SPMIP4: variants seen among roughly 807,000 people sequenced by gnomAD.
The protein encoded by SPMIP4 is sperm microtubule inner protein 4.
chr7:25,168,772 C>A, the SPMIP4 span, among the ~76,000 whole-genome samples: 5 of 149,516 alleles, frequency 3.3e-5, no homozygotes, highest in Non-Finnish European at 5.9e-5. Flanking sequence ...GTTGCCCAGG[C>A]TGGAGTGCAG....
chr7:25,148,407 C>T, the SPMIP4 span, among the ~76,000 whole-genome samples: 3 of 151,936 alleles, frequency 2.0e-5, no homozygotes, highest in African/African-American at 7.3e-5. Flanking sequence ...CTGTGAACAG[C>T]CACTGCACTC....
At chr7:25,136,286 G>T in the SPMIP4 span, 1 of 1,614,058 alleles carries the variant, frequency 6.2e-7, no homozygotes, top group South Asian at 1.1e-5. This position sits in a 1 kb window ranked among gnomAD's most constrained non-coding sequence, Gnocchi z 5.7. Flanking sequence ...AAAACACTAG[G>T]TTTACTAAGG....
At chr7:25,161,776 A>G in the SPMIP4 span, among the ~76,000 whole-genome samples, 114 of 150,014 alleles carry the variant, frequency 7.6e-4, no homozygotes, top group African/African-American at 2.6e-3. Context: ...TTTAATATAG[A>G]AAAAATTCAG....
the SPMIP4 span, among the ~76,000 whole-genome samples, chr7:25,138,327 A>G: frequency 6.6e-6 from 1 of 152,260 alleles, no homozygotes; most frequent in South Asian, 2.1e-4. This position sits in a 1 kb window ranked among gnomAD's most constrained non-coding sequence, Gnocchi z 6.2. Context: ...CATTGTAACA[A>G]TGCAACTCTG....
chr7:25,129,484 C>A, the SPMIP4 span, among the ~76,000 whole-genome samples: 27 of 152,284 alleles, frequency 1.8e-4, no homozygotes, highest in African/African-American at 6.5e-4. Flanking sequence ...ATTCTCTATG[C>A]CATGTGGCCA....
the SPMIP4 span, among the ~76,000 whole-genome samples, chr7:25,143,958 G>A: frequency 2.0e-5 from 3 of 152,202 alleles, no homozygotes; most frequent in Non-Finnish European, 4.4e-5. Flanking sequence ...GAATGGGGAA[G>A]TGGAGCTGGG....
At chr7:25,137,319 T>TA in the SPMIP4 span, among the ~76,000 whole-genome samples, 2 of 138,768 alleles carry the variant, frequency 1.4e-5, no homozygotes, top group South Asian at 2.4e-4. Flanking sequence ...TTTTTTTTTT[T>TA]ATTTTTTCTT....
the SPMIP4 span, chr7:25,179,382 G>GTGT: frequency 6.5e-7 from 1 of 1,532,736 alleles, no homozygotes. Context: ...AAGGCAGGCA[G>GTGT]AAAACACATT....
chr7:25,161,974 C>T, the SPMIP4 span, among the ~76,000 whole-genome samples: 1 of 151,898 alleles, frequency 6.6e-6, no homozygotes, highest in African/African-American at 2.4e-5. Flanking sequence ...ATTTGATCAT[C>T]AAATTTAATT....
the SPMIP4 span, among the ~76,000 whole-genome samples, chr7:25,130,805 G>C: frequency 6.6e-6 from 1 of 152,204 alleles, no homozygotes; most frequent in Admixed American, 6.5e-5. Flanking sequence ...TAGTTAGCTT[G>C]GCCTATGCCC....
At chr7:25,176,151 T>A in the SPMIP4 span, among the ~76,000 whole-genome samples, 1 of 152,224 alleles carries the variant, frequency 6.6e-6, no homozygotes, top group Non-Finnish European at 1.5e-5. This position sits in a 1 kb window ranked among gnomAD's most constrained non-coding sequence, Gnocchi z 4.4. Flanking sequence ...AAAACGTGCT[T>A]CTCTTAAATT....
chr7:25,133,004 G>T, the SPMIP4 span, among the ~76,000 whole-genome samples: 2 of 152,086 alleles, frequency 1.3e-5, no homozygotes, highest in Non-Finnish European at 2.9e-5. Flanking sequence ...AACTCCTTAT[G>T]TATGTTAAAT....
the SPMIP4 span, among the ~76,000 whole-genome samples, chr7:25,128,450 A>T: frequency 1.3e-5 from 2 of 152,134 alleles, no homozygotes; most frequent in Non-Finnish European, 2.9e-5. This position sits in a 1 kb window ranked among gnomAD's most constrained non-coding sequence, Gnocchi z 4.5. Context: ...TCTTTCCTCA[A>T]GCATCAAAGT....
chr7:25,136,141 G>C, the SPMIP4 span: 1 of 1,614,146 alleles, frequency 6.2e-7, no homozygotes, highest in Non-Finnish European at 8.5e-7. The surrounding 1 kb of genome is among the most constrained non-coding windows in gnomAD (Gnocchi z 5.7). Flanking sequence ...CTGAGGTTTG[G>C]TCACTCCAGC....
the SPMIP4 span, among the ~76,000 whole-genome samples, chr7:25,169,693 G>C: frequency 6.6e-6 from 1 of 152,064 alleles, no homozygotes; most frequent in Non-Finnish European, 1.5e-5. Flanking sequence ...TCCTGTCTCA[G>C]CCTCCCGAGT....
chr7:25,160,459 C>T, the SPMIP4 span, among the ~76,000 whole-genome samples: 1 of 152,056 alleles, frequency 6.6e-6, no homozygotes, highest in African/African-American at 2.4e-5. Context: ...CCATCACGCC[C>T]AGCTAATTTT....
chr7:25,140,777 G>A, the SPMIP4 span, among the ~76,000 whole-genome samples: 8 of 138,408 alleles, frequency 5.8e-5, no homozygotes, highest in African/African-American at 1.9e-4. Context: ...TAGTAGAGAC[G>A]GGTCTCACCA....
chr7:25,168,194 T>G, the SPMIP4 span: 6 of 1,055,988 alleles, frequency 5.7e-6, no homozygotes, highest in East Asian at 1.6e-4. Flanking sequence ...AGAAATAAGT[T>G]TGAAGACAGA....
chr7:25,168,935 C>A, the SPMIP4 span, among the ~76,000 whole-genome samples: 1 of 151,724 alleles, frequency 6.6e-6, no homozygotes, highest in Non-Finnish European at 1.5e-5. Flanking sequence ...CCATGTCGGC[C>A]AGGCTGGTCT....
Sources: allele counts gnomAD v4.1 joint callset (sites outside exome capture counted in the v4.1 genomes callset), GRCh38; gene constraint gnomAD v4.1.1; non-coding constraint Gnocchi (gnomAD v3.1); transcripts MANE v1.5; gene names NCBI Gene and HGNC (gene_info 2026-07-23, HGNC 2026-07-21).